TARBP1: variants seen among roughly 807,000 people sequenced by gnomAD.
The protein encoded by TARBP1 is tRNA guanosine 2 -O-methyltransferase TARBP1, also known as tRNA (guanosine(18)-2'-O)-methyltransferase TARBP1.
A neutral mutation model predicts 178.6 loss-of-function variants in TARBP1; 144 were observed. The ratio of observed to expected loss-of-function variants is 0.81; its 90% CI spans 0.70 to 0.93. TARBP1 has a LOEUF of 0.93. Ranked by LOEUF, TARBP1 falls within the 40% of genes least tolerant of loss-of-function variation. TARBP1 has a pLI of 0.00. For synonymous variants in TARBP1, 787 were observed against 781.0 expected (o/e 1.01, Z -0.13); for missense variants, 2,067 against 2,011.7 (o/e 1.03, Z -0.53).
rs767217500 is a variant in TARBP1, at chr1:234,418,170, T to A, written c.3619A>T (p.Ile1207Leu). The A allele has an allele frequency of 6.4e-7, 1 of 1,551,850 alleles. No homozygotes were observed. The highest frequency in any genetic ancestry group is 2.4e-5 in the East Asian group (1 of 41,720). Residue 1207 changes from isoleucine (I) to leucine (L), a missense_variant, in exon 22 of 30, where the codon ATA becomes TTA. Coordinates refer to ENST00000040877, the MANE Select transcript of TARBP1 (RefSeq NM_005646.4). ...ATAATCCATTCTATAAAATATTTTA[T>A]GGATGCTTGATTGTTGGTGAAACCA... is the stretch of plus-strand genomic sequence containing the variant. ...QAGFTNNQASIKYFIEWIIIL... is the reference protein window; with the variant it reads ...QAGFTNNQASLKYFIEWIIIL...
chr1:234,393,891 T>C (rs1659661151), intron 26 of TARBP1, 54 bp from the exon 27 acceptor site: 4 of 1,288,960 alleles, frequency 3.1e-6, no homozygotes, highest in Non-Finnish European at 4.3e-6. Context: ...AATCTCTATA[T>C]ATTTATGTAT....
chr1:234,403,809 G>A (rs1343440834), intron 24 of TARBP1, among the ~76,000 whole-genome samples: 1 of 152,090 alleles, frequency 6.6e-6, no homozygotes, highest in Non-Finnish European at 1.5e-5. Context: ...TCAGCCTCCC[G>A]AGTAGCTGAG....
intron 27 of TARBP1, 57 bp from the exon 28 acceptor site, chr1:234,393,543 A>G (rs2103026945): frequency 6.4e-7 from 1 of 1,571,628 alleles, no homozygotes; most frequent in Non-Finnish European, 8.6e-7. Context: ...TAAGCTCATC[A>G]TGTCGCATAC....
chr1:234,429,914 G>C (rs1664239559), intron 15 of TARBP1, among the ~76,000 whole-genome samples, 173 bp downstream of exon 15: 1 of 152,194 alleles, frequency 6.6e-6, no homozygotes, highest in South Asian at 2.1e-4. Context: ...AAAACTAGAT[G>C]CAGAAAAGTC....
At chr1:234,433,238 C>CA (rs1455010113) in intron 14 of TARBP1, among the ~76,000 whole-genome samples, 172 bp downstream of exon 14, 3 of 151,726 alleles carry the variant, frequency 2.0e-5, no homozygotes, top group Non-Finnish European at 2.9e-5. Context: ...ACTCCATCTC[C>CA]AAAAAACAAA....
intron 24 of TARBP1, among the ~76,000 whole-genome samples, chr1:234,403,884 C>T (rs554762357): frequency 2.8e-4 from 42 of 152,074 alleles, no homozygotes; most frequent in Non-Finnish European, 4.3e-4. Context: ...GACAGGGTTT[C>T]ACCATGTTGG....
intron 7 of TARBP1, 35 bp from the exon 8 acceptor site, chr1:234,459,361 T>C: frequency 1.4e-6 from 2 of 1,472,676 alleles, no homozygotes; most frequent in Non-Finnish European, 1.9e-6. Context: ...AGTTCCGTAT[T>C]CCCAAAGACA....
chr1:234,429,393 A>G (rs371071291), intron 16 of TARBP1, 23 bp downstream of exon 16: 5 of 1,591,962 alleles, frequency 3.1e-6, no homozygotes, highest in African/African-American at 1.4e-5. Context: ...TTACTGTTCA[A>G]TTCATGTTTC....
At chr1:234,426,823 T>C (rs752501299) in intron 19 of TARBP1, among the ~76,000 whole-genome samples, 2 of 152,228 alleles carry the variant, frequency 1.3e-5, no homozygotes, top group Non-Finnish European at 2.9e-5. Context: ...ACATTAACTA[T>C]GTACAGCTTT....
chr1:234,448,128 AG>A (rs1258441898), intron 11 of TARBP1, among the ~76,000 whole-genome samples: 2 of 152,184 alleles, frequency 1.3e-5, no homozygotes, highest in Admixed American at 6.5e-5. Context: ...TAGTAGAGAC[AG>A]GGTTTCACCA....
chr1:234,452,892 G>T (rs1485625393), intron 9 of TARBP1, among the ~76,000 whole-genome samples: 1 of 151,184 alleles, frequency 6.6e-6, no homozygotes, highest in African/African-American at 2.4e-5. Flanking sequence ...AAAAAAAAAT[G>T]AGCTATCAAG....
rs1270623195 is a variant in TARBP1, at chr1:234,457,723, G to A, written c.1666C>T (p.Leu556Phe). Residue 556 changes from leucine to phenylalanine, a missense_variant, in exon 9 of 30, where the codon CTC becomes TTC. By Grantham distance (22) the Leu-to-Phe change is conservative (BLOSUM62 0). Transcript: ENST00000040877. ...GATTCCTCTTGTCTCAGAGACATGA[G>A]AAAAGTTGAGACATCAGAAAGTGAC... ...KVSLSDVSTF[L>F]MSLRQEESLG... is the part of the protein sequence containing the mutation. The A allele has an allele frequency of 1.9e-6, 3 of 1,608,184 alleles. No homozygotes were observed. The highest frequency in any genetic ancestry group is 2.7e-5 in the African/African-American group (2 of 74,732).
In TARBP1 at chr1:234,479,109, G is replaced by A. The variant is rs775258898; in HGVS notation, c.-6C>T. ...TCCGCGAGCACCCACTCCATTTGCC[G>A]AGCGCCCGCGCCACCGGCCCGGGCT... On this transcript the variant is annotated 5_prime_UTR_variant, in exon 1 of 30. Coordinates refer to ENST00000040877, the MANE Select transcript of TARBP1 (RefSeq NM_005646.4). The A allele has an allele frequency of 1.3e-6, 2 of 1,526,534 alleles. No individual in the cohort carries two copies. Among genetic ancestry groups the A allele is most frequent in the Non-Finnish European group, 1.7e-6 (2 of 1,150,774 alleles). The allele number at this position is 1,526,534 out of a possible 1,614,324, so 94.6% of individuals were successfully genotyped here. A position where few individuals can be genotyped will look rare whatever the true frequency, so the allele number is the denominator to read the frequency against.
Position 234,441,075 on chromosome 1 carries a change from T to C in TARBP1, c.2135-3703A>G, listed in dbSNP as rs556294805. 5.9e-5 allele frequency among the ~76,000 whole-genome samples: 9 copies of C among 152,244 alleles called. No homozygotes were observed. The South Asian group carries it at 6.2e-4, about 11-fold the overall frequency. On this transcript the variant is annotated intron_variant, in intron 12 of 29. Coordinates refer to ENST00000040877, the MANE Select transcript of TARBP1 (RefSeq NM_005646.4). ...GGTGAGCACCTGCAGTCCCAGCTAC[T>C]TGGGGGGCTGAGGCAGCAGGATTGC... is the stretch of plus-strand genomic sequence containing the variant.
chr1:234,419,332 G>A (rs571020479), intron 21 of TARBP1, among the ~76,000 whole-genome samples: 2 of 152,244 alleles, frequency 1.3e-5, no homozygotes, highest in Admixed American at 6.5e-5. Flanking sequence ...GTCATAAAGT[G>A]GAGCATACAT....
chr1:234,427,569 C>G lies in TARBP1; in HGVS notation c.3251+7G>C, dbSNP rs1663921095. 1 of 1,592,130 alleles carries G rather than the reference C, an allele frequency of 6.3e-7. No homozygotes were observed. The highest frequency in any genetic ancestry group is 8.5e-7 in the Non-Finnish European group (1 of 1,173,484). ...TTATGACCAGTTGAAATAATAGCAT[C>G]TTTTACCTTTGATCACGCCTAAACA... On this transcript the variant is annotated splice_region_variant and intron_variant, in intron 18 of 29. Transcript: ENST00000040877.
intron 6 of TARBP1, among the ~76,000 whole-genome samples, chr1:234,463,628 C>T (rs940020841): frequency 5.9e-5 from 9 of 152,240 alleles, no homozygotes; most frequent in African/African-American, 1.4e-4. Context: ...GCTACTCATG[C>T]CAATACTGGT....
intron 12 of TARBP1, among the ~76,000 whole-genome samples, chr1:234,443,930 T>C (rs1180732059): frequency 1.3e-5 from 2 of 152,006 alleles, no homozygotes; most frequent in African/African-American, 2.4e-5. Context: ...AGACAGAAAG[T>C]AGAATGGTGA....
rs530408720 is a variant in TARBP1 at position 234,392,804 on chromosome 1, G to C, written c.4561-252C>G. ...TGGCTCACTGCAAGCTCCGCCTCCC[G>C]GGTTCACGCCATTCTCCTGCCTCAG... On this transcript the variant is annotated intron_variant, in intron 28 of 29. Coordinates refer to ENST00000040877, the MANE Select transcript of TARBP1 (RefSeq NM_005646.4). 22 of 216,890 alleles carry C rather than the reference G, an allele frequency of 1.0e-4. 1 individual carries two copies. In the East Asian group the frequency reaches 2.5e-3, roughly 24 times the overall value. The allele number at this position is 216,890 out of a possible 1,614,324, so 13.4% of individuals were successfully genotyped here.
Sources: allele counts gnomAD v4.1 joint callset (sites outside exome capture counted in the v4.1 genomes callset), GRCh38; gene constraint gnomAD v4.1.1; transcripts MANE v1.5; gene names NCBI Gene and HGNC (gene_info 2026-07-23, HGNC 2026-07-21).